TCF12: variants seen among roughly 807,000 people sequenced by gnomAD.
The protein encoded by TCF12 is transcription factor 12.
In TCF12, 45 loss-of-function variants were observed where a neutral mutation model predicts 86.0. That is an observed-to-expected ratio of 0.52 (90% CI 0.41 to 0.67). TCF12 has a LOEUF of 0.67. Among genes scored for constraint, TCF12 ranks in the 30% least tolerant of loss-of-function variants. The probability of loss-of-function intolerance (pLI) is 0.00; values close to 1 mark genes in which losing one functional copy is unlikely to be tolerated. For synonymous variants in TCF12, 330 were observed against 299.6 expected, an observed-to-expected ratio of 1.10 and a Z score of -1.05; for missense variants, 881 against 859.9, an observed-to-expected ratio of 1.02 and a Z score of -0.31.
intron 4 of TCF12, among the ~76,000 whole-genome samples, chr15:57,070,312 A>G (rs1335468918): frequency 6.6e-6 from 1 of 152,210 alleles, no homozygotes; most frequent in African/African-American, 2.4e-5. Context: ...TTTAAAAAGC[A>G]TCAGCAGTGG....
chr15:57,128,616 G>A (rs541578744), intron 5 of TCF12, among the ~76,000 whole-genome samples: 2 of 152,058 alleles, frequency 1.3e-5, no homozygotes, highest in African/African-American at 2.4e-5. Context: ...TTAGAGTTGT[G>A]CAACCATCAC....
chr15:57,058,656 T>C (rs1446256818), intron 3 of TCF12, among the ~76,000 whole-genome samples: 2 of 152,250 alleles, frequency 1.3e-5, no homozygotes, highest in East Asian at 3.8e-4. Flanking sequence ...AAAAAGTCTA[T>C]AACTAATGTT....
chr15:57,273,447 G>A (rs1227658253), intron 19 of TCF12, among the ~76,000 whole-genome samples, 185 bp downstream of exon 19: 4 of 151,880 alleles, frequency 2.6e-5, no homozygotes, highest in African/African-American at 9.7e-5. Flanking sequence ...AATATCTGTG[G>A]GCTGAGTGTT....
At chr15:56,996,361 T>C (rs539606978) in intron 3 of TCF12, among the ~76,000 whole-genome samples, 13 of 152,270 alleles carry the variant, frequency 8.5e-5, no homozygotes, top group African/African-American at 3.1e-4. Flanking sequence ...ACCATCTGAT[T>C]GTTGACAAAG....
At chr15:57,142,978 A>G (rs2053090694) in intron 5 of TCF12, among the ~76,000 whole-genome samples, 1 of 152,204 alleles carries the variant, frequency 6.6e-6, no homozygotes. Context: ...TCAATAATTT[A>G]ATTGTAAGTT....
At chr15:57,279,382 T>A (rs1278782516) in intron 19 of TCF12, among the ~76,000 whole-genome samples, 1 of 152,196 alleles carries the variant, frequency 6.6e-6, no homozygotes, top group Non-Finnish European at 1.5e-5. Context: ...AAGAAGTCAA[T>A]AGATAGAATT....
At chr15:56,988,692 T>C (rs1222041377) in intron 3 of TCF12, among the ~76,000 whole-genome samples, 1 of 152,214 alleles carries the variant, frequency 6.6e-6, no homozygotes, top group Non-Finnish European at 1.5e-5. Flanking sequence ...CAATTAGTAT[T>C]TGAATTGAAC....
chr15:57,062,985 T>A (rs1213233990), intron 3 of TCF12, among the ~76,000 whole-genome samples: 1 of 152,180 alleles, frequency 6.6e-6, no homozygotes, highest in Non-Finnish European at 1.5e-5. Flanking sequence ...TCCAGCTTTT[T>A]CTGGGGACTG....
intron 8 of TCF12, among the ~76,000 whole-genome samples, chr15:57,207,981 T>C (rs530738658): frequency 1.3e-5 from 2 of 152,020 alleles, no homozygotes; most frequent in Non-Finnish European, 2.9e-5. Context: ...AGAACTATTT[T>C]AGACTTTAGG....
chr15:57,174,810 A>C (rs1353062836), intron 6 of TCF12, among the ~76,000 whole-genome samples: 8 of 152,224 alleles, frequency 5.3e-5, no homozygotes, highest in African/African-American at 1.9e-4. Flanking sequence ...TGAGGGAAGA[A>C]TGTAACAGAA....
At chr15:57,155,910 A>G (rs777870055) in intron 5 of TCF12, among the ~76,000 whole-genome samples, 7 of 152,186 alleles carry the variant, frequency 4.6e-5, no homozygotes, top group Non-Finnish European at 1.0e-4. Flanking sequence ...ATGGCTATTT[A>G]TGTATTTTCT....
chr15:57,136,844 A>G (rs772396608), intron 5 of TCF12, among the ~76,000 whole-genome samples: 2 of 151,324 alleles, frequency 1.3e-5, no homozygotes, highest in Admixed American at 6.6e-5. Context: ...TATAGAGACA[A>G]TTTCCCATGT....
intron 5 of TCF12, among the ~76,000 whole-genome samples, chr15:57,137,458 CA>C (rs772754986): frequency 6.6e-6 from 1 of 152,058 alleles, no homozygotes; most frequent in African/African-American, 2.4e-5. Context: ...ATATGGTATT[CA>C]AACAAAATAT....
At chr15:57,044,346 G>A (rs1403925578) in intron 3 of TCF12, among the ~76,000 whole-genome samples, 1 of 152,122 alleles carries the variant, frequency 6.6e-6, no homozygotes, top group Non-Finnish European at 1.5e-5. Flanking sequence ...CGGATCACTT[G>A]AGGTCAGGAG....
In TCF12 at chr15:56,933,363, CTGT is replaced by C. The variant is rs781470932; in HGVS notation, c.148+12270_148+12272del. ...TTTATTTACTTAGAAGTAGATTGGG[CTGT>C]TGTTTTGTTAAAGAGCATCTGTAGG... is the stretch of plus-strand genomic sequence containing the variant. On this transcript the variant is annotated intron_variant, in intron 3 of 20. Coordinates refer to ENST00000333725, the MANE Select transcript of TCF12 (RefSeq NM_207037.2). Among the ~76,000 whole-genome samples, 222 of 152,138 alleles carry C rather than the reference CTGT, an allele frequency of 1.5e-3. 1 individual carries two copies. The highest frequency in any genetic ancestry group is 2.2e-3 in the Non-Finnish European group (149 of 67,986).
chr15:57,078,367 A>T (rs573561519), intron 4 of TCF12, among the ~76,000 whole-genome samples: 2 of 152,176 alleles, frequency 1.3e-5, no homozygotes, highest in East Asian at 3.8e-4. Flanking sequence ...AGGGAGTCCA[A>T]TGGTACTAAT....
At chr15:56,928,892 T>A (rs1000893429) in intron 3 of TCF12, among the ~76,000 whole-genome samples, 1 of 152,146 alleles carries the variant, frequency 6.6e-6, no homozygotes, top group Non-Finnish European at 1.5e-5. Flanking sequence ...GAGAGAATGT[T>A]AAGAGTCTCT....
At chr15:56,963,209 T>C (rs189698739) in intron 3 of TCF12, among the ~76,000 whole-genome samples, 1 of 152,224 alleles carries the variant, frequency 6.6e-6, no homozygotes, top group Admixed American at 6.5e-5. Flanking sequence ...TAATTGAGCA[T>C]ACAGAAAATT....
At chr15:56,986,626 T>C (rs1474413164) in intron 3 of TCF12, among the ~76,000 whole-genome samples, 2 of 152,146 alleles carry the variant, frequency 1.3e-5, no homozygotes, top group Non-Finnish European at 2.9e-5. Context: ...TGGAGTAAAA[T>C]TAAAGTTTTA....
Sources: allele counts gnomAD v4.1 joint callset (sites outside exome capture counted in the v4.1 genomes callset), GRCh38; gene constraint gnomAD v4.1.1; transcripts MANE v1.5; gene names NCBI Gene and HGNC (gene_info 2026-07-23, HGNC 2026-07-21).